The following ZNF385D variants were observed in gnomAD, a reference collection of about 807,000 sequenced individuals.
ZNF385D encodes zinc finger protein 659.
A neutral mutation model predicts 35.8 loss-of-function variants in ZNF385D; 15 were observed. That is an observed-to-expected ratio of 0.42 (90% CI 0.28 to 0.64). The LOEUF is 0.64. ZNF385D is among the 30% of genes least tolerant of loss of function. The pLI is 0.23. For synonymous variants in ZNF385D, 212 were observed against 186.8 expected, an observed-to-expected ratio of 1.13 and a Z score of -1.10; for missense variants, 474 against 494.6, an observed-to-expected ratio of 0.96 and a Z score of 0.39.
intron 2 of ZNF385D, among the ~76,000 whole-genome samples, chr3:21,643,115 A>G (rs2065654607): frequency 6.6e-6 from 1 of 152,174 alleles, no homozygotes; most frequent in Admixed American, 6.6e-5. Flanking sequence ...AAAAGAAAGC[A>G]GAAAAAAATG....
intron 3 of ZNF385D, among the ~76,000 whole-genome samples, chr3:21,887,557 G>T (rs1036900936): frequency 6.6e-6 from 1 of 152,104 alleles, no homozygotes; most frequent in East Asian, 1.9e-4. Flanking sequence ...TATTAGGGAG[G>T]CAAATGGTAA....
Position 22,282,922 on chromosome 3 carries a change from T to C in ZNF385D, c.106+89528A>G, listed in dbSNP as rs188440013. Among the ~76,000 whole-genome samples, 804 of 152,136 alleles carry C rather than the reference T, an allele frequency of 5.3e-3. 5 individuals carry two copies. The highest frequency in any genetic ancestry group is 5.7e-3 in the Non-Finnish European group (385 of 67,968). On this transcript the variant is annotated intron_variant, in intron 2 of 5. Coordinates refer to the ZNF385D transcript ENST00000494108. ...AATGGATAAGAATTCACCAATCAAG[T>C]ATCTGCTATCTTCAAGAGACTCACC...
At chr3:21,726,004 G>T (rs949381929) in intron 1 of ZNF385D, among the ~76,000 whole-genome samples, 1 of 152,274 alleles carries the variant, frequency 6.6e-6, no homozygotes, top group African/African-American at 2.4e-5. Context: ...TCATACCTGG[G>T]AGGCAAGGCT....
chr3:21,803,419 G>A (rs1035961196), intron 3 of ZNF385D, among the ~76,000 whole-genome samples: 12 of 152,050 alleles, frequency 7.9e-5, no homozygotes, highest in African/African-American at 1.2e-4. Flanking sequence ...TTCTGTATAG[G>A]AGTCATTGAT....
chr3:21,602,593 C>T (rs1256333171), intron 2 of ZNF385D, among the ~76,000 whole-genome samples: 7 of 132,192 alleles, frequency 5.3e-5, no homozygotes, highest in East Asian at 2.4e-4. Flanking sequence ...ACTGCAGTGG[C>T]GCAATCTCGG....
intron 3 of ZNF385D, among the ~76,000 whole-genome samples, chr3:21,758,134 C>G (rs1427501239): frequency 6.6e-6 from 1 of 152,140 alleles, no homozygotes; most frequent in Admixed American, 6.5e-5. Context: ...TTAATGAGCT[C>G]CCAAACACTG....
intron 5 of ZNF385D, among the ~76,000 whole-genome samples, chr3:21,434,479 G>A (rs984035408): frequency 2.0e-5 from 3 of 152,112 alleles, no homozygotes; most frequent in Admixed American, 2.0e-4. Context: ...ACACCCTAGG[G>A]AGAAGATATA....
chr3:21,457,857 A>T (rs1158451629), intron 4 of ZNF385D, among the ~76,000 whole-genome samples: 1 of 152,230 alleles, frequency 6.6e-6, no homozygotes, highest in Non-Finnish European at 1.5e-5. Context: ...TCCAAAGGCC[A>T]ACAGCTAAAT....
At chr3:21,550,887 C>A (rs1559395267) in intron 3 of ZNF385D, among the ~76,000 whole-genome samples, 1 of 152,208 alleles carries the variant, frequency 6.6e-6, no homozygotes, top group African/African-American at 2.4e-5. Context: ...GTTATGCTCT[C>A]ATGAGGTTTC....
At chr3:21,938,010 C>T (rs889996788) in intron 3 of ZNF385D, among the ~76,000 whole-genome samples, 4 of 152,190 alleles carry the variant, frequency 2.6e-5, no homozygotes, top group Non-Finnish European at 4.4e-5. Context: ...AGTAATATAA[C>T]ACAGTGCGAA....
At chr3:22,081,843 A>C (rs1427766514) in intron 3 of ZNF385D, among the ~76,000 whole-genome samples, 1 of 152,206 alleles carries the variant, frequency 6.6e-6, no homozygotes, top group Non-Finnish European at 1.5e-5. Context: ...ACAATTGTGT[A>C]TGAATTCACT....
Position 21,492,638 on chromosome 3 carries a change from G to A in ZNF385D, c.439+18223C>T, listed in dbSNP as rs941418053. ...TCTCCACCAAAAACTACAAAAATTC[G>A]CCAGGTGTGATGGCGAACACCTATA... On this transcript the variant is annotated intron_variant, in intron 4 of 7. Coordinates refer to ENST00000281523, the MANE Select transcript of ZNF385D (RefSeq NM_024697.3). Among the ~76,000 whole-genome samples the A allele has an allele frequency of 1.1e-4, 16 of 151,666 alleles. 1 individual carries two copies. Among genetic ancestry groups the A allele is most frequent in the South Asian group, 8.3e-4 (4 of 4,816 alleles).
intron 2 of ZNF385D, among the ~76,000 whole-genome samples, chr3:22,193,357 T>C (rs1696189218): frequency 6.6e-6 from 1 of 152,018 alleles, no homozygotes; most frequent in African/African-American, 2.4e-5. Flanking sequence ...TACAAAGTGA[T>C]ACAATCATAC....
chr3:21,914,682 C>A (rs766324825), intron 3 of ZNF385D, among the ~76,000 whole-genome samples: 1 of 152,022 alleles, frequency 6.6e-6, no homozygotes, highest in Non-Finnish European at 1.5e-5. Flanking sequence ...AAACACTGTA[C>A]ATTGCTGCTG....
At chr3:22,107,348 T>A (rs146458778) in intron 3 of ZNF385D, among the ~76,000 whole-genome samples, 1 of 152,158 alleles carries the variant, frequency 6.6e-6, no homozygotes, top group East Asian at 1.9e-4. Flanking sequence ...TAAAAGGCTA[T>A]TTTCCTCTTG....
At chr3:21,728,897 A>G (rs1036052191) in intron 1 of ZNF385D, among the ~76,000 whole-genome samples, 2 of 152,212 alleles carry the variant, frequency 1.3e-5, no homozygotes, top group African/African-American at 4.8e-5. Flanking sequence ...GCTTCCTAAG[A>G]AAATGTAAAT....
intron 2 of ZNF385D, among the ~76,000 whole-genome samples, chr3:22,227,589 T>C (rs904895155): frequency 2.0e-5 from 3 of 152,098 alleles, no homozygotes; most frequent in African/African-American, 7.2e-5. Flanking sequence ...AGAACTTAAC[T>C]AAGAGCTGGA....
At chr3:21,963,376 T>A (rs1415642201) in intron 3 of ZNF385D, among the ~76,000 whole-genome samples, 1 of 152,174 alleles carries the variant, frequency 6.6e-6, no homozygotes, top group African/African-American at 2.4e-5. Context: ...CAACTCTACG[T>A]AGAACCGCAG....
chr3:21,616,479 G>T (rs998246957), intron 2 of ZNF385D, among the ~76,000 whole-genome samples: 20 of 152,130 alleles, frequency 1.3e-4, no homozygotes, highest in Admixed American at 8.5e-4. Flanking sequence ...GAAGGAGGTT[G>T]GGGGACCTTC....
Sources: gnomAD v4.1 joint callset for allele counts (sites outside exome capture counted in the v4.1 genomes callset) on GRCh38, gnomAD v4.1.1 for gene constraint, MANE v1.5 for transcripts, NCBI Gene and HGNC (gene_info 2026-07-23, HGNC 2026-07-21) for gene names.